The following PRELID2 variants were observed in gnomAD, a reference collection of about 807,000 sequenced individuals.
PRELID2 encodes PRELI domain containing 2.
In PRELID2, 25 loss-of-function variants were observed where a neutral mutation model predicts 28.4. The ratio of observed to expected loss-of-function variants is 0.88; its 90% CI spans 0.64 to 1.23. The LOEUF is 1.23. Among genes scored for constraint, PRELID2 ranks in the 50% most tolerant of loss-of-function variants. The probability of loss-of-function intolerance (pLI) is 0.00; values close to 1 mark genes in which losing one functional copy is unlikely to be tolerated. For missense variants in PRELID2, 201 were observed against 214.4 expected (o/e 0.94, Z 0.39); for synonymous variants, 76 against 71.6 (o/e 1.06, Z -0.31).
At chr5:145,433,573 C>T in the PRELID2 span, among the ~76,000 whole-genome samples, 1 of 152,126 alleles carries the variant, frequency 6.6e-6, no homozygotes, top group Non-Finnish European at 1.5e-5. Flanking sequence ...CTTCTTTCCA[C>T]AGTCCTAGAA....
In PRELID2 at chr5:145,724,600, A is replaced by AATATATATAC. The variant is rs1756081085; in HGVS notation, n.70+40330_70+40331insGTATATATAT. Among the ~76,000 whole-genome samples the AATATATATAC allele has an allele frequency of 1.6e-4, 4 of 24,788 alleles. 1 individual carries two copies. Among genetic ancestry groups the AATATATATAC allele is most frequent in the Non-Finnish European group, 3.8e-4 (4 of 10,506 alleles). The allele number at this position is 24,788 out of a possible 152,430, so 16.3% of individuals were successfully genotyped here. ...ACACTGAAATAACAAGAAGTAAATA[A>AATATATATAC]ATATATATATATATATATATATATA... On this transcript the variant is annotated intron_variant and non_coding_transcript_variant, in intron 1 of 2. Coordinates refer to the PRELID2 transcript ENST00000510259.
chr5:145,797,966 G>C (rs1278316851), intron 4 of PRELID2, among the ~76,000 whole-genome samples: 3 of 151,568 alleles, frequency 2.0e-5, no homozygotes, highest in Non-Finnish European at 4.4e-5. Flanking sequence ...CAACTAAATG[G>C]ATCAGGAAAA....
At chr5:145,602,291 A>G (rs781314984) in intron 1 of PRELID2, among the ~76,000 whole-genome samples, 3 of 152,242 alleles carry the variant, frequency 2.0e-5, no homozygotes, top group Non-Finnish European at 4.4e-5. Flanking sequence ...AATATCTTTT[A>G]CTTTGTGCTA....
intron 4 of PRELID2, among the ~76,000 whole-genome samples, chr5:145,805,455 A>G (rs1365583821): frequency 6.6e-6 from 1 of 152,174 alleles, no homozygotes; most frequent in East Asian, 1.9e-4. Context: ...TTCCAAATCT[A>G]GCTACTCAAC....
chr5:145,615,111 G>C (rs866580590), intron 1 of PRELID2, among the ~76,000 whole-genome samples: 1 of 147,902 alleles, frequency 6.8e-6, no homozygotes, highest in Non-Finnish European at 1.5e-5. Context: ...TATATCTTTA[G>C]GACTGTGATA....
At chr5:145,726,976 A>T (rs947692254) in intron 1 of PRELID2, among the ~76,000 whole-genome samples, 5 of 152,308 alleles carry the variant, frequency 3.3e-5, no homozygotes, top group Middle Eastern at 6.8e-3. Flanking sequence ...GAGTCAAAGG[A>T]ATGAGAAAAG....
the PRELID2 span, among the ~76,000 whole-genome samples, chr5:145,308,844 G>C: frequency 4.6e-5 from 7 of 152,160 alleles, no homozygotes; most frequent in Non-Finnish European, 1.0e-4. Context: ...TCAAAGCCAT[G>C]TTAACTGCAG....
the PRELID2 span, among the ~76,000 whole-genome samples, chr5:145,461,215 A>C: frequency 6.6e-6 from 1 of 152,236 alleles, no homozygotes; most frequent in African/African-American, 2.4e-5. Context: ...ATATATAGAT[A>C]ATAAGCAGCA....
chr5:145,809,182 C>G (rs1753764146), intron 4 of PRELID2, among the ~76,000 whole-genome samples: 1 of 151,984 alleles, frequency 6.6e-6, no homozygotes, highest in African/African-American at 2.4e-5. Flanking sequence ...GTTACGACCA[C>G]AGGCACACAC....
intron 1 of PRELID2, among the ~76,000 whole-genome samples, chr5:145,583,375 C>A (rs1202518570): frequency 1.3e-5 from 2 of 152,004 alleles, no homozygotes; most frequent in East Asian, 3.9e-4. Context: ...CCTTGAAAAC[C>A]AGCACAAGAC....
the PRELID2 span, among the ~76,000 whole-genome samples, chr5:145,429,301 G>A: frequency 5.9e-5 from 9 of 152,180 alleles, no homozygotes; most frequent in Non-Finnish European, 7.3e-5. Flanking sequence ...ATTGGCTAAC[G>A]GATTGGTCAT....
At chr5:145,677,745 A>G (rs934602527) in intron 1 of PRELID2, among the ~76,000 whole-genome samples, 2 of 152,218 alleles carry the variant, frequency 1.3e-5, no homozygotes, top group African/African-American at 4.8e-5. Flanking sequence ...AAGCACCACC[A>G]TTCACCTCAA....
the PRELID2 span, among the ~76,000 whole-genome samples, chr5:145,448,748 T>C: frequency 1.3e-5 from 2 of 152,112 alleles, no homozygotes; most frequent in African/African-American, 4.8e-5. Flanking sequence ...TCATCTGTAA[T>C]TGGGAAAATA....
chr5:145,353,156 T>C, the PRELID2 span, among the ~76,000 whole-genome samples: 1 of 152,178 alleles, frequency 6.6e-6, no homozygotes, highest in Non-Finnish European at 1.5e-5. Flanking sequence ...ATTCTCATGC[T>C]GCTATAAAGA....
chr5:145,565,862 C>T (rs1392802344), intron 1 of PRELID2, among the ~76,000 whole-genome samples: 1 of 152,166 alleles, frequency 6.6e-6, no homozygotes, highest in African/African-American at 2.4e-5. Context: ...TTCATTGGCT[C>T]ATGTGAGGCC....
chr5:145,402,057 A>G, the PRELID2 span, among the ~76,000 whole-genome samples: 1 of 152,186 alleles, frequency 6.6e-6, no homozygotes, highest in Non-Finnish European at 1.5e-5. Flanking sequence ...GAGGCGCCTT[A>G]TTCATCACCT....
At chr5:145,555,103 A>C (rs929430066) in intron 1 of PRELID2, among the ~76,000 whole-genome samples, 4 of 152,238 alleles carry the variant, frequency 2.6e-5, no homozygotes, top group Admixed American at 2.6e-4. Flanking sequence ...GAATTTCAGA[A>C]GATCCAGAAG....
intron 5 of PRELID2, among the ~76,000 whole-genome samples, chr5:145,791,333 C>A (rs761445292): frequency 2.0e-5 from 3 of 152,054 alleles, no homozygotes; most frequent in Non-Finnish European, 2.9e-5. Context: ...CATAGCCAAA[C>A]CATATCAGGT....
the PRELID2 span, among the ~76,000 whole-genome samples, chr5:145,383,615 C>T: frequency 1.5e-5 from 2 of 137,614 alleles, no homozygotes; most frequent in Admixed American, 7.5e-5. Context: ...AACTAAATGT[C>T]AGCATGCAAA....
Sources: allele counts gnomAD v4.1 joint callset (sites outside exome capture counted in the v4.1 genomes callset), GRCh38; gene constraint gnomAD v4.1.1; transcripts MANE v1.5; gene names NCBI Gene and HGNC (gene_info 2026-07-23, HGNC 2026-07-21).